The following LPP variants were observed in gnomAD, a reference collection of about 807,000 sequenced individuals.
LPP encodes the protein LIM domain containing preferred translocation partner in lipoma.
A neutral mutation model predicts 60.4 loss-of-function variants in LPP; 38 were observed. The ratio of observed to expected loss-of-function variants is 0.63; its 90% confidence interval spans 0.49 to 0.83. The LOEUF is 0.83. LPP is among the 40% of genes least tolerant of loss of function. LPP has a pLI of 0.00. For synonymous variants in LPP, 328 were observed against 290.8 expected (o/e 1.13, Z -1.30); for missense variants, 902 against 783.6 (o/e 1.15, Z -1.80).
intron 6 of LPP, among the ~76,000 whole-genome samples, chr3:188,559,450 T>C (rs1208022548): frequency 2.0e-5 from 3 of 152,040 alleles, no homozygotes; most frequent in Admixed American, 6.6e-5. Context: ...AAGGCAGTAA[T>C]ACAATTTGAT....
chr3:188,522,448 A>G (rs890060871), intron 5 of LPP, among the ~76,000 whole-genome samples: 5 of 152,262 alleles, frequency 3.3e-5, no homozygotes, highest in African/African-American at 1.2e-4. Flanking sequence ...GTTTACCCAA[A>G]AGATAGTGCT....
At chr3:188,412,449 C>T (rs1785131819) in intron 4 of LPP, among the ~76,000 whole-genome samples, 1 of 152,066 alleles carries the variant, frequency 6.6e-6, no homozygotes, top group African/African-American at 2.4e-5. Context: ...CTTTTCATTT[C>T]AGTAGAAAAT....
At chr3:188,603,567 T>A (rs1196780195) in intron 6 of LPP, among the ~76,000 whole-genome samples, 1 of 152,058 alleles carries the variant, frequency 6.6e-6, no homozygotes, top group East Asian at 1.9e-4. Context: ...GGAGTAACTG[T>A]GAGGATTATA....
At chr3:188,201,189 G>A (rs1730988826) in intron 1 of LPP, among the ~76,000 whole-genome samples, 3 of 152,302 alleles carry the variant, frequency 2.0e-5, no homozygotes, top group African/African-American at 7.2e-5. Context: ...GGAGAGAGAA[G>A]TCAAGGATTC....
intron 4 of LPP, among the ~76,000 whole-genome samples, chr3:188,460,899 T>C (rs1042245297): frequency 1.3e-5 from 2 of 152,134 alleles, no homozygotes; most frequent in African/African-American, 4.8e-5. Context: ...TTGGTTACTC[T>C]ACTGTGAAAG....
chr3:188,612,019 G>C (rs772055128), intron 7 of LPP, among the ~76,000 whole-genome samples: 2 of 152,196 alleles, frequency 1.3e-5, no homozygotes, highest in Non-Finnish European at 2.9e-5. Context: ...CTTCTTATTT[G>C]AGCAAGGTGG....
At chr3:188,808,014 C>G (rs992327867) in intron 9 of LPP, among the ~76,000 whole-genome samples, 3 of 151,994 alleles carry the variant, frequency 2.0e-5, no homozygotes, top group Non-Finnish European at 4.4e-5. Context: ...TTTTGTTAGG[C>G]CTTTAGTGTG....
chr3:188,214,725 C>T (rs1330468405), intron 1 of LPP, among the ~76,000 whole-genome samples: 1 of 152,126 alleles, frequency 6.6e-6, no homozygotes, highest in African/African-American at 2.4e-5. Context: ...GTTCATGAGA[C>T]AGGAGGAGAG....
chr3:188,831,868 A>T (rs3843393), intron 9 of LPP, among the ~76,000 whole-genome samples: 104,732 of 151,382 alleles, frequency 0.69, 36,640 homozygotes, highest in East Asian at 0.85. Flanking sequence ...TGAGTATGCT[A>T]TACCACCTCC....
chr3:188,841,813 A>G (rs1328981671), intron 9 of LPP, among the ~76,000 whole-genome samples: 2 of 152,180 alleles, frequency 1.3e-5, no homozygotes, highest in Non-Finnish European at 2.9e-5. Flanking sequence ...GCAATTGTGA[A>G]TGAGAGTTTA....
At chr3:188,488,540 CAT>C (rs1807315144) in intron 5 of LPP, among the ~76,000 whole-genome samples, 1 of 152,106 alleles carries the variant, frequency 6.6e-6, no homozygotes, top group African/African-American at 2.4e-5. Flanking sequence ...TGTAAGTAGA[CAT>C]ATATGCTAGT....
chr3:188,656,422 CTGTT>C (rs1853228446), intron 7 of LPP, among the ~76,000 whole-genome samples: 1 of 152,118 alleles, frequency 6.6e-6, no homozygotes, highest in Non-Finnish European at 1.5e-5. Context: ...CAATCGCAAA[CTGTT>C]TGAGATCCCA....
intron 3 of LPP, among the ~76,000 whole-genome samples, chr3:188,391,378 A>G (rs1779661083): frequency 6.6e-6 from 1 of 152,214 alleles, no homozygotes; most frequent in African/African-American, 2.4e-5. Context: ...AGTGCTTTGC[A>G]TAGGCACTCA....
chr3:188,723,591 C>T (rs1717274981), intron 8 of LPP, among the ~76,000 whole-genome samples: 1 of 152,030 alleles, frequency 6.6e-6, no homozygotes, highest in Non-Finnish European at 1.5e-5. Flanking sequence ...TGAATTGCTG[C>T]TTCCCTGAAA....
At chr3:188,513,622 ATATAT>A (rs1178649826) in intron 5 of LPP, among the ~76,000 whole-genome samples, 3 of 152,002 alleles carry the variant, frequency 2.0e-5, no homozygotes, top group South Asian at 2.1e-4. Context: ...TACTTTAAAA[ATATAT>A]TATTTATATT....
chr3:188,734,967 C>T (rs1350343184), intron 8 of LPP, among the ~76,000 whole-genome samples: 1 of 152,194 alleles, frequency 6.6e-6, no homozygotes, highest in Non-Finnish European at 1.5e-5. Context: ...ACCCAGCAGT[C>T]ATTCACCCTT....
intron 8 of LPP, among the ~76,000 whole-genome samples, chr3:188,720,215 T>G (rs1282813473): frequency 2.0e-5 from 3 of 152,194 alleles, no homozygotes; most frequent in Non-Finnish European, 4.4e-5. Flanking sequence ...CTGGCCCTGT[T>G]GTATTTTTAA....
chr3:188,175,780 T>C (rs535770205), intron 1 of LPP, among the ~76,000 whole-genome samples: 2 of 152,278 alleles, frequency 1.3e-5, no homozygotes, highest in African/African-American at 4.8e-5. Flanking sequence ...CCTTTTCCAA[T>C]TTTTAAAAGG....
At chr3:188,717,077 A>G (rs1714313961) in intron 8 of LPP, among the ~76,000 whole-genome samples, 1 of 152,240 alleles carries the variant, frequency 6.6e-6, no homozygotes, top group Non-Finnish European at 1.5e-5. Flanking sequence ...GAAAGATTTC[A>G]GTGATTAAGG....
Sources: gnomAD v4.1 joint callset for allele counts (sites outside exome capture counted in the v4.1 genomes callset) on GRCh38, gnomAD v4.1.1 for gene constraint, MANE v1.5 for transcripts, NCBI Gene and HGNC (gene_info 2026-07-23, HGNC 2026-07-21) for gene names.